The following STARD13 variants were observed in gnomAD, a reference collection of about 807,000 sequenced individuals.
STARD13 encodes the protein stAR-related lipid transfer protein 13.
STARD13 carries 62 observed loss-of-function variants against 106.4 expected under a neutral mutation model. The observed-to-expected ratio is 0.58, with a 90% CI of 0.48 to 0.72. The LOEUF (loss-of-function observed/expected upper bound fraction) is 0.72, where lower values mean the gene tolerates loss of function less well. STARD13 is among the 30% of genes least tolerant of loss of function. STARD13 has a pLI of 0.00. For synonymous variants in STARD13, 565 were observed against 553.0 expected, an observed-to-expected ratio of 1.02 and a Z score of -0.31; for missense variants, 1,387 against 1,424.0, an observed-to-expected ratio of 0.97 and a Z score of 0.42.
rs1049659254 is a variant in STARD13 at position 33,118,126 on chromosome 13, C to T, written c.2220G>A (p.Arg740=). The T allele has an allele frequency of 1.2e-6, 2 of 1,614,020 alleles. No homozygotes were observed. Among genetic ancestry groups the T allele is most frequent in the Non-Finnish European group, 8.5e-7 (1 of 1,180,044 alleles). The change falls in exon 8 of 14, where the codon CGG becomes CGA. Residue 740 remains arginine, a synonymous_variant. Coordinates refer to ENST00000336934, the MANE Select transcript of STARD13 (RefSeq NM_178006.4). ...TGGTGAAAAGAGGCTCAGGGAGGTC[C>T]CGGAAGAACTGTTTCACCATATCCG... The part of the protein sequence containing the change: ...DVADMVKQFF[R]DLPEPLFTNK...
At chr13:33,542,934 C>G in the STARD13 span, among the ~76,000 whole-genome samples, 1 of 152,164 alleles carries the variant, frequency 6.6e-6, no homozygotes, top group Admixed American at 6.5e-5. Flanking sequence ...CCGCCCTGGA[C>G]GGGGAGGGAC....
intron 1 of STARD13, among the ~76,000 whole-genome samples, chr13:33,238,472 G>C (rs887484282): frequency 4.6e-5 from 7 of 152,114 alleles, no homozygotes; most frequent in African/African-American, 1.7e-4. Flanking sequence ...TAGAAAAGCA[G>C]CATAGACTTA....
At chr13:33,499,519 T>TTTCTTCTTC in the STARD13 span, among the ~76,000 whole-genome samples, 63 of 91,962 alleles carry the variant, frequency 6.9e-4, no homozygotes, top group Non-Finnish European at 7.8e-4. Context: ...TTCTTCTTTC[T>TTTCTTCTTC]TTCTTCTTCT....
intron 1 of STARD13, among the ~76,000 whole-genome samples, chr13:33,189,438 G>A (rs868558037): frequency 8.5e-6 from 1 of 118,196 alleles, no homozygotes; most frequent in Non-Finnish European, 1.8e-5. Flanking sequence ...TCCTTTCGGA[G>A]GAAGGAGGGA....
Position 33,131,624 on chromosome 13 carries a change from T to G in STARD13, c.388-1335A>C, listed in dbSNP as rs538821027. 5.9e-5 allele frequency among the ~76,000 whole-genome samples: 9 copies of G among 152,334 alleles called. No individual in the cohort carries two copies. The Middle Eastern group carries it at 0.01, about 173-fold the overall frequency. ...GCAAGACCTGTGTTTCTCTGTTTCA[T>G]TATTCATATAAACATATTTATTCAT... is the stretch of plus-strand genomic sequence containing the variant. On this transcript the variant is annotated intron_variant, in intron 4 of 13. Coordinates refer to ENST00000336934, the MANE Select transcript of STARD13 (RefSeq NM_178006.4).
the STARD13 span, among the ~76,000 whole-genome samples, chr13:33,522,566 C>A: frequency 2.0e-5 from 3 of 152,170 alleles, no homozygotes; most frequent in Non-Finnish European, 4.4e-5. Flanking sequence ...CTAACTCCAG[C>A]ACTCACGGAT....
chr13:33,195,636 C>T (rs2858125), intron 1 of STARD13, among the ~76,000 whole-genome samples: 2,935 of 152,292 alleles, frequency 0.019, 78 homozygotes, highest in African/African-American at 0.063. Flanking sequence ...ACAGTATTAT[C>T]GTAAAGCATG....
chr13:33,218,999 C>T (rs1345824195), intron 1 of STARD13, among the ~76,000 whole-genome samples: 1 of 152,024 alleles, frequency 6.6e-6, no homozygotes, highest in African/African-American at 2.4e-5. Flanking sequence ...CAAATAAGGG[C>T]CCTGGAAATC....
the STARD13 span, among the ~76,000 whole-genome samples, chr13:33,382,227 G>T: frequency 3.9e-5 from 6 of 152,020 alleles, no homozygotes; most frequent in Non-Finnish European, 8.8e-5. Context: ...AATTTCTTTC[G>T]AGCAAATTAC....
rs112402243 is a variant in STARD13 at position 33,261,902 on chromosome 13, G to A, written c.169+23568C>T. Reference sequence around the variant, plus strand: ...ACGGGTTGCTTGGGTTCGGAAGGCAGGGCAGCCCATTCCTTTTGTTCTGTT... The same window carrying A: ...ACGGGTTGCTTGGGTTCGGAAGGCAAGGCAGCCCATTCCTTTTGTTCTGTT... On this transcript the variant is annotated intron_variant, in intron 1 of 13. Coordinates refer to ENST00000336934, the MANE Select transcript of STARD13 (RefSeq NM_178006.4). Among the ~76,000 whole-genome samples the A allele has an allele frequency of 1.3e-3, 199 of 152,294 alleles. 1 individual carries two copies. Among genetic ancestry groups the A allele is most frequent in the African/African-American group, 4.3e-3 (178 of 41,550 alleles).
At chr13:33,509,215 A>G in the STARD13 span, among the ~76,000 whole-genome samples, 1 of 152,144 alleles carries the variant, frequency 6.6e-6, no homozygotes, top group Non-Finnish European at 1.5e-5. Flanking sequence ...TAGGAAAGGA[A>G]CGACCTTCAG....
the STARD13 span, among the ~76,000 whole-genome samples, chr13:33,381,068 G>A: frequency 2.0e-5 from 3 of 152,184 alleles, no homozygotes; most frequent in East Asian, 1.9e-4. Flanking sequence ...TCACCTCTAC[G>A]AGTATATAGG....
At chr13:33,386,840 A>G in the STARD13 span, among the ~76,000 whole-genome samples, 1 of 152,166 alleles carries the variant, frequency 6.6e-6, no homozygotes, top group Non-Finnish European at 1.5e-5. Context: ...TGCTCCACCA[A>G]GAACAGACCT....
chr13:33,269,941 A>G (rs1891077191), intron 1 of STARD13, among the ~76,000 whole-genome samples: 1 of 152,328 alleles, frequency 6.6e-6, no homozygotes, highest in Middle Eastern at 3.4e-3. Flanking sequence ...TGAACCGAAT[A>G]AAAACAAAAC....
upstream of STARD13, among the ~76,000 whole-genome samples, chr13:33,354,131 T>C (rs2078104899): frequency 6.6e-6 from 1 of 152,276 alleles, no homozygotes; most frequent in Non-Finnish European, 1.5e-5. Flanking sequence ...CTGAAACACC[T>C]CCATACATCC....
the STARD13 span, among the ~76,000 whole-genome samples, chr13:33,452,636 G>C: frequency 6.6e-6 from 1 of 151,966 alleles, no homozygotes; most frequent in African/African-American, 2.4e-5. Context: ...AGTTATATGC[G>C]CTTAGGCAAC....
intron 4 of STARD13, among the ~76,000 whole-genome samples, chr13:33,136,472 A>G (rs1379558189): frequency 6.6e-6 from 1 of 152,220 alleles, no homozygotes; most frequent in East Asian, 1.9e-4. Flanking sequence ...GACTGGATTG[A>G]GAACCTCTCT....
intron 1 of STARD13, among the ~76,000 whole-genome samples, chr13:33,305,795 T>C (rs138036022): frequency 3.7e-4 from 56 of 152,338 alleles, no homozygotes; most frequent in African/African-American, 1.3e-3. Flanking sequence ...TCATAGATTT[T>C]ATATTAATCC....
chr13:33,191,806 T>C lies in STARD13; in HGVS notation c.170-24184A>G, dbSNP rs61169548. Reference sequence around the variant, plus strand: ...TTCAATTTTATTCTTAAAGGTAACATGTTGATTTCTCCCTGTTTTGTAATC... The same window carrying C: ...TTCAATTTTATTCTTAAAGGTAACACGTTGATTTCTCCCTGTTTTGTAATC... On this transcript the variant is annotated intron_variant, in intron 1 of 13. Transcript: ENST00000336934. 8.6e-3 allele frequency among the ~76,000 whole-genome samples: 1,315 copies of C among 152,354 alleles called. 19 individuals are homozygous for C. The highest frequency in any genetic ancestry group is 0.03 in the African/African-American group (1,245 of 41,580).
Sources: gnomAD v4.1 joint callset for allele counts (sites outside exome capture counted in the v4.1 genomes callset) on GRCh38, gnomAD v4.1.1 for gene constraint, MANE v1.5 for transcripts, NCBI Gene and HGNC (gene_info 2026-07-23, HGNC 2026-07-21) for gene names.